The following RAD52 variants were observed in gnomAD, a reference collection of about 807,000 sequenced individuals.
RAD52 encodes DNA repair protein RAD52 homolog.
A neutral mutation model predicts 55.5 loss-of-function variants in RAD52; 47 were observed. The ratio of observed to expected loss-of-function variants is 0.85; its 90% confidence interval spans 0.67 to 1.08. RAD52 has a LOEUF of 1.08. RAD52 is among the 50% of genes least tolerant of loss of function. The pLI, the probability that RAD52 is intolerant of heterozygous loss-of-function variation, is 0.00. For missense variants in RAD52, 468 were observed against 522.8 expected (o/e 0.90, Z 1.02); for synonymous variants, 184 against 198.9 (o/e 0.92, Z 0.63).
chr12:933,141 G>A (rs1592385913), intron 1 of RAD52, 65 bp from the exon 2 acceptor site: 1 of 1,165,730 alleles, frequency 8.6e-7, no homozygotes, highest in Non-Finnish European at 1.2e-6. Flanking sequence ...AAAGGCAAGA[G>A]CCTCTACTGA....
chr12:955,723 C>T (rs111428366), intron 1 of RAD52, among the ~76,000 whole-genome samples: 10,141 of 152,088 alleles, frequency 0.067, 402 homozygotes, highest in African/African-American at 0.08. Flanking sequence ...CCGCCTGCCT[C>T]GGTCTCCCAA....
At chr12:982,729 G>C (rs1592500331) in intron 1 of RAD52, among the ~76,000 whole-genome samples, 1 of 149,498 alleles carries the variant, frequency 6.7e-6, no homozygotes, top group Non-Finnish European at 1.5e-5. Context: ...GCAGTGGTGG[G>C]ATCACGGCTC....
Position 955,929 on chromosome 12 carries a change from C to T in RAD52, c.-18-22853G>A, listed in dbSNP as rs150730348. Among the ~76,000 whole-genome samples the T allele has an allele frequency of 8.0e-3, 1,019 of 127,300 alleles. 5 individuals are homozygous for T. The highest frequency in any genetic ancestry group is 0.027 in the African/African-American group (962 of 35,178). The allele number at this position is 127,300 out of a possible 152,430, so 83.5% of individuals were successfully genotyped here. A position where few individuals can be genotyped will look rare whatever the true frequency, so the allele number is the denominator to read the frequency against. On this transcript the variant is annotated intron_variant, in intron 1 of 11. Coordinates refer to the RAD52 transcript ENST00000430095. ...CCTAGTAGCTGGGATTACAGGCATG[C>T]GCCACCATGCCCGGCTAATTTTTGC...
At chr12:919,258 C>A (rs558667597) in intron 7 of RAD52, among the ~76,000 whole-genome samples, 109 of 152,158 alleles carry the variant, frequency 7.2e-4, no homozygotes, top group African/African-American at 2.5e-3. Flanking sequence ...TCACCCTGGC[C>A]AACATGGCGA....
chr12:968,300 C>G (rs1015397317), intron 1 of RAD52, among the ~76,000 whole-genome samples: 1 of 152,032 alleles, frequency 6.6e-6, no homozygotes, highest in Non-Finnish European at 1.5e-5. Flanking sequence ...CTATTTCCAT[C>G]CCCCTTTCTC....
intron 1 of RAD52, among the ~76,000 whole-genome samples, chr12:939,190 C>T (rs992783433): frequency 1.3e-5 from 2 of 151,776 alleles, no homozygotes; most frequent in Non-Finnish European, 2.9e-5. Context: ...GAGACAGTCT[C>T]GCTGTGCCAC....
chr12:944,608 T>TAAAAAAAA (rs778682036), intron 1 of RAD52, among the ~76,000 whole-genome samples: 1 of 93,568 alleles, frequency 1.1e-5, no homozygotes, highest in Non-Finnish European at 2.3e-5. Flanking sequence ...AAAAACATGG[T>TAAAAAAAA]AAAAAAAAAA....
chr12:953,790 T>C (rs1958567772), upstream of RAD52, among the ~76,000 whole-genome samples: 1 of 152,238 alleles, frequency 6.6e-6, no homozygotes, highest in Non-Finnish European at 1.5e-5. Flanking sequence ...TCCACCATAT[T>C]TCGCCCATCT....
intron 7 of RAD52, among the ~76,000 whole-genome samples, chr12:922,559 C>G (rs1956797737): frequency 6.6e-6 from 1 of 152,152 alleles, no homozygotes; most frequent in South Asian, 2.1e-4. Context: ...GAAGGGAATT[C>G]TGATACACAC....
chr12:990,811 G>A (rs1338735886), upstream of RAD52, among the ~76,000 whole-genome samples: 2 of 151,974 alleles, frequency 1.3e-5, no homozygotes, highest in African/African-American at 4.8e-5. Flanking sequence ...CTTAGGTTTG[G>A]GAAGACACGA....
chr12:980,229 A>G (rs970030884), intron 1 of RAD52, among the ~76,000 whole-genome samples: 3 of 151,462 alleles, frequency 2.0e-5, no homozygotes, highest in African/African-American at 7.3e-5. Flanking sequence ...AGAGTTATTT[A>G]TATAGGCTAG....
intron 1 of RAD52, among the ~76,000 whole-genome samples, chr12:958,197 G>A (rs1479417007): frequency 6.6e-6 from 1 of 152,048 alleles, no homozygotes; most frequent in East Asian, 1.9e-4. Context: ...GAGAATGTCA[G>A]AAAGCTGTAT....
At chr12:988,370 T>A (rs2154122331) in intron 1 of RAD52, among the ~76,000 whole-genome samples, 1 of 152,360 alleles carries the variant, frequency 6.6e-6, no homozygotes, top group South Asian at 2.1e-4. Context: ...TCTGTTTATC[T>A]GCCCCCACAG....
chr12:981,815 C>T (rs369760087), intron 1 of RAD52, among the ~76,000 whole-genome samples: 1 of 33,778 alleles, frequency 3.0e-5, no homozygotes, highest in Non-Finnish European at 1.0e-4. Flanking sequence ...TAAAACCTAG[C>T]AAGGCAAATT....
chr12:934,103 C>CA (rs528889211), intron 1 of RAD52, among the ~76,000 whole-genome samples: 8,307 of 63,882 alleles, frequency 0.13, 267 homozygotes, highest in Non-Finnish European at 0.15. Context: ...GACTCTGTCT[C>CA]AAAAAAAAAA....
At chr12:947,896 A>C (rs1305503011) in intron 1 of RAD52, among the ~76,000 whole-genome samples, 1 of 148,834 alleles carries the variant, frequency 6.7e-6, no homozygotes, top group Admixed American at 6.8e-5. Flanking sequence ...CAAAAAAAAA[A>C]AAAAAACAAA....
intron 6 of RAD52, chr12:926,663 C>T (rs2154112928): frequency 2.0e-6 from 2 of 983,888 alleles, no homozygotes; most frequent in South Asian, 3.4e-5. Flanking sequence ...GCTTCCAGTA[C>T]AGTCCACAGA....
chr12:919,191 AT>A (rs2154109858), intron 7 of RAD52, among the ~76,000 whole-genome samples: 1 of 152,296 alleles, frequency 6.6e-6, no homozygotes, highest in South Asian at 2.1e-4. Context: ...CATGCCTGTA[AT>A]CCCAACACTT....
chr12:951,844 C>T (rs1178209841), upstream of RAD52, among the ~76,000 whole-genome samples: 3 of 152,128 alleles, frequency 2.0e-5, no homozygotes, highest in South Asian at 4.1e-4. Context: ...AAATTTTCCT[C>T]TAAGAACTCC....
Sources: allele counts gnomAD v4.1 joint callset (sites outside exome capture counted in the v4.1 genomes callset), GRCh38; gene constraint gnomAD v4.1.1; transcripts MANE v1.5; gene names NCBI Gene and HGNC (gene_info 2026-07-23, HGNC 2026-07-21).